Variants in DLX1 observed in about 807,000 individuals in gnomAD.
The protein encoded by DLX1 is homeobox protein DLX-1.
Under a neutral mutation model 25.0 loss-of-function variants are expected in DLX1, and 7 were observed. The observed-to-expected ratio is 0.28, with a 90% CI of 0.16 to 0.52. The LOEUF is 0.52. DLX1 is among the 20% of genes least tolerant of loss of function. The pLI, the probability that DLX1 is intolerant of heterozygous loss-of-function variation, is 0.96. For missense variants in DLX1, 233 were observed against 334.4 expected (o/e 0.70, Z 2.37); for synonymous variants, 155 against 140.3 (o/e 1.10, Z -0.74).
chr2:172,087,712 C>T (rs936121826), intron 2 of DLX1: 22 of 616,022 alleles, frequency 3.6e-5, no homozygotes, highest in Non-Finnish European at 6.6e-5. Flanking sequence ...GACTGAGCCC[C>T]TGGCAGGCTA....
intron 2 of DLX1, chr2:172,087,596 T>A (rs1690867999): frequency 2.1e-6 from 1 of 474,598 alleles, no homozygotes; most frequent in African/African-American, 2.0e-5. Flanking sequence ...ATAAATTTCC[T>A]CCACTCCTTC....
At chr2:172,086,900 C>G (rs1337508332) in intron 2 of DLX1, 47 bp downstream of exon 2, 1 of 1,596,434 alleles carries the variant, frequency 6.3e-7, no homozygotes, top group African/African-American at 1.3e-5. Flanking sequence ...CTTTCCGCGG[C>G]CGGCCTGCGC....
At chr2:172,086,915 G>C (rs767763786) in intron 2 of DLX1, 62 bp downstream of exon 2, 1 of 1,556,000 alleles carries the variant, frequency 6.4e-7, no homozygotes, top group Non-Finnish European at 8.9e-7. Flanking sequence ...CTGCGCCCGG[G>C]TCTTCATTTG....
intron 2 of DLX1, chr2:172,087,599 A>G: frequency 2.1e-6 from 1 of 473,986 alleles, no homozygotes; most frequent in Admixed American, 2.3e-5. Flanking sequence ...AATTTCCTCC[A>G]CTCCTTCCTA....
chr2:172,087,559 G>T (rs537792064), intron 2 of DLX1: 3 of 463,532 alleles, frequency 6.5e-6, no homozygotes, highest in Non-Finnish European at 1.3e-5. Flanking sequence ...AAAAGATGGC[G>T]CATAGAAAAG....
At position 172,085,582 on chromosome 2, in the gene DLX1, G is replaced by T; in HGVS notation, c.-96G>T. The T allele has an allele frequency of 7.6e-7, 1 of 1,308,084 alleles. No homozygotes were observed. The highest frequency in any genetic ancestry group is 1.1e-6 in the Non-Finnish European group (1 of 944,710). 81.0% of individuals were successfully genotyped at this position (1,308,084 alleles called of 1,614,324 possible). On this transcript the variant is annotated 5_prime_UTR_variant, in exon 1 of 3. Coordinates refer to ENST00000361725, the MANE Select transcript of DLX1 (RefSeq NM_178120.5). This position sits in a 1 kb window ranked among gnomAD's most constrained non-coding sequence, Gnocchi z 4.3. ...AATGGAAAGTGAAAACCCCTGTTCC[G>T]CTTAAATTGGGTTCCTTCCTGTCCT...
chr2:172,088,754 CG>C lies in DLX1; in HGVS notation c.*500del, dbSNP rs1559029167. The C allele has an allele frequency of 6.5e-6, 1 of 152,928 alleles. No homozygotes were observed. Among genetic ancestry groups the C allele is most frequent in the African/African-American group, 2.4e-5 (1 of 41,460 alleles). The allele number at this position is 152,928 out of a possible 1,614,324, so 9.5% of individuals were successfully genotyped here. ...AAGGTCTGAGCGGCCCGGGTCCTGC[CG>C]GGCTGACCATCTCCGGATCCTGGGA... On this transcript the variant is annotated 3_prime_UTR_variant, in exon 3 of 3. Transcript: ENST00000361725.
chr2:172,086,771 A>G lies in DLX1; in HGVS notation c.431A>G (p.Asn144Ser), dbSNP rs1258669882. The change falls in exon 2 of 3, where the codon AAC becomes AGC. Residue 144 changes from asparagine to serine, a missense_variant. Coordinates refer to ENST00000361725, the MANE Select transcript of DLX1 (RefSeq NM_178120.5). Reference protein sequence around the residue: ...IYSSLQLQALNRRFQQTQYLA... With the variant: ...IYSSLQLQALSRRFQQTQYLA... ...TCCAGTTTGCAGTTGCAGGCTTTGA[A>G]CCGGAGGTTCCAGCAAACTCAGTAC... 1.9e-6 allele frequency: 3 copies of G among 1,613,256 alleles called. No individual in the cohort carries two copies. The highest frequency in any genetic ancestry group is 1.7e-6 in the Non-Finnish European group (2 of 1,179,724).
chr2:172,087,097 G>C, intron 2 of DLX1: 1 of 702,260 alleles, frequency 1.4e-6, no homozygotes, highest in Non-Finnish European at 2.7e-6. Context: ...AATCTGATTA[G>C]GGCGCAGGAA....
In DLX1 at chr2:172,088,398, G is replaced by T; in HGVS notation, c.*141G>T. 8.8e-7 allele frequency: 1 copy of T among 1,142,244 alleles called. No individual in the cohort carries two copies. Among genetic ancestry groups the T allele is most frequent in the Non-Finnish European group, 1.1e-6 (1 of 872,260 alleles). 70.8% of individuals were successfully genotyped at this position (1,142,244 alleles called of 1,614,324 possible). A position where few individuals can be genotyped will look rare whatever the true frequency, so the allele number is the denominator to read the frequency against. On this transcript the variant is annotated 3_prime_UTR_variant, in exon 3 of 3. Transcript: ENST00000361725. ...ACGCCCTCCATCTCCTCGGAGCCCC[G>T]CGAGGTCCGGCCCAGCAACTTCCCG...
At chr2:172,086,057 G>T in intron 1 of DLX1, 67 bp downstream of exon 1, 1 of 1,313,238 alleles carries the variant, frequency 7.6e-7, no homozygotes, top group Non-Finnish European at 1.0e-6. Flanking sequence ...AAGGAGCGGG[G>T]GAGAAGAGGA....
Position 172,088,115 on chromosome 2 carries a change from C to T in DLX1, c.626C>T (p.Ser209Phe). 6.2e-7 allele frequency: 1 copy of T among 1,608,280 alleles called. No homozygotes were observed. The highest frequency in any genetic ancestry group is 8.5e-7 in the Non-Finnish European group (1 of 1,177,176). ...LANGRALSAG[S>F]PPVPPGWNPN... ...AACGGTCGGGCCCTGTCTGCTGGCT[C>T]CCCACCCGTGCCGCCCGGCTGGAAC... Residue 209 changes from serine to phenylalanine, a missense_variant, in exon 3 of 3, where the codon TCC becomes TTC. Physicochemically the swap from Ser to Phe is radical, Grantham distance 155 (BLOSUM62 -2). Coordinates refer to ENST00000361725, the MANE Select transcript of DLX1 (RefSeq NM_178120.5).
In DLX1 at chr2:172,088,557, C is replaced by A; in HGVS notation, c.*300C>A. On this transcript the variant is annotated 3_prime_UTR_variant, in exon 3 of 3. Coordinates refer to ENST00000361725, the MANE Select transcript of DLX1 (RefSeq NM_178120.5). ...CCGCTCCACCCGACCCGCCGACCTT[C>A]AGCTTTGTGGGACTATCAGGAAAAA... 1 of 360,818 alleles carries A rather than the reference C, an allele frequency of 2.8e-6. No homozygotes were observed. 22.4% of individuals were successfully genotyped at this position (360,818 alleles called of 1,614,324 possible).
chr2:172,087,145 C>CACA (rs1408962185), intron 2 of DLX1: 1 of 649,976 alleles, frequency 1.5e-6, no homozygotes. Context: ...ACTCAGAGGT[C>CACA]ACACGTGCCT....
chr2:172,087,285 G>T (rs1690862229), intron 2 of DLX1: 1 of 377,136 alleles, frequency 2.7e-6, no homozygotes, highest in Admixed American at 3.5e-5. Flanking sequence ...TGGGGGTGGG[G>T]GGAGATCCTT....
At chr2:172,087,404 C>G in intron 2 of DLX1, 1 of 412,372 alleles carries the variant, frequency 2.4e-6, no homozygotes. Flanking sequence ...CTGACGGCGG[C>G]GGGCGCGGGT....
chr2:172,087,043 T>C (rs1384965985), intron 2 of DLX1, 190 bp downstream of exon 2: 3 of 735,702 alleles, frequency 4.1e-6, no homozygotes, highest in Non-Finnish European at 7.5e-6. Context: ...GTCACTGCTC[T>C]CGGTATCCCG....
Position 172,088,082 on chromosome 2 carries a change from C to T in DLX1, c.593C>T (p.Ala198Val), listed in dbSNP as rs1478285655. Reference protein sequence around the residue: ...KQGGAALEGSALANGRALSAG... With the variant: ...KQGGAALEGSVLANGRALSAG... ...GGTGGGGCGGCTCTGGAGGGTAGTG[C>T]GTTGGCCAACGGTCGGGCCCTGTCT... Residue 198 changes from alanine to valine, a missense_variant, in exon 3 of 3, where the codon GCG (alanine) becomes GTG (valine). Physicochemically the swap from Ala to Val is moderately conservative, Grantham distance 64. Around this residue, in one of 3 missense-constraint regions of DLX1, gnomAD observed 84 missense variants for 81.8 expected, o/e 1.03. Coordinates refer to ENST00000361725, the MANE Select transcript of DLX1 (RefSeq NM_178120.5). 1.3e-6 allele frequency: 2 copies of T among 1,589,982 alleles called. No individual in the cohort carries two copies. The highest frequency in any genetic ancestry group is 8.6e-7 in the Non-Finnish European group (1 of 1,168,334).
chr2:172,088,277 T>C lies in DLX1; in HGVS notation c.*20T>C. 6.9e-7 allele frequency: 1 copy of C among 1,443,780 alleles called. No individual in the cohort carries two copies. Among genetic ancestry groups the C allele is most frequent in the Non-Finnish European group, 9.2e-7 (1 of 1,089,198 alleles). The allele number at this position is 1,443,780 out of a possible 1,614,324, so 89.4% of individuals were successfully genotyped here. On this transcript the variant is annotated 3_prime_UTR_variant, in exon 3 of 3. Coordinates refer to ENST00000361725, the MANE Select transcript of DLX1 (RefSeq NM_178120.5). ...ATGTGAGGTTGCCCGCCCGTCTCCT[T>C]CTTGTCTCCCCGGCCCAGGTCCCTC...
Sources: allele counts gnomAD v4.1 joint callset, GRCh38; gene constraint gnomAD v4.1.1; regional missense constraint gnomAD v4.1.1; non-coding constraint Gnocchi (gnomAD v3.1); transcripts MANE v1.5; gene names NCBI Gene and HGNC (gene_info 2026-07-23, HGNC 2026-07-21).